The following NFAM1 variants were observed in gnomAD, a reference collection of about 807,000 sequenced individuals.
NFAM1 encodes the protein NFAT activating protein with ITAM motif 1.
Under a neutral mutation model 29.0 loss-of-function variants are expected in NFAM1, and 17 were observed. The ratio of observed to expected loss-of-function variants is 0.59; its 90% CI spans 0.40 to 0.88. NFAM1 has a LOEUF of 0.88. NFAM1 is among the 40% of genes least tolerant of loss of function. NFAM1 has a pLI of 0.00. For synonymous variants in NFAM1, 175 were observed against 147.2 expected (o/e 1.19, Z -1.36); for missense variants, 324 against 344.6 (o/e 0.94, Z 0.47).
intron 1 of NFAM1, among the ~76,000 whole-genome samples, chr22:42,418,630 T>C (rs1001019282): frequency 2.0e-5 from 3 of 151,650 alleles, no homozygotes; most frequent in South Asian, 2.1e-4. Context: ...GAGGCGGAGA[T>C]TGCAGTGAGC....
At chr22:42,427,004 G>A (rs945769638) in intron 1 of NFAM1, among the ~76,000 whole-genome samples, 44 of 152,182 alleles carry the variant, frequency 2.9e-4, no homozygotes, top group Middle Eastern at 6.8e-3. Flanking sequence ...GAGGTTCAGC[G>A]TACTCCAGAG....
intron 4 of NFAM1, among the ~76,000 whole-genome samples, chr22:42,396,822 G>A (rs540040889): frequency 1.6e-4 from 25 of 152,320 alleles, no homozygotes; most frequent in African/African-American, 5.3e-4. Flanking sequence ...TATCCTGGGC[G>A]TCCTCTGTGT....
intron 1 of NFAM1, among the ~76,000 whole-genome samples, chr22:42,421,127 C>A (rs1036020005): frequency 6.6e-6 from 1 of 152,140 alleles, no homozygotes; most frequent in African/African-American, 2.4e-5. Context: ...AAGGAATGCA[C>A]CGTGGAAAAC....
intron 4 of NFAM1, among the ~76,000 whole-genome samples, chr22:42,396,869 TG>T (rs1929542837): frequency 6.6e-6 from 1 of 152,106 alleles, no homozygotes; most frequent in Non-Finnish European, 1.5e-5. Context: ...GTCAATGTTG[TG>T]GGAACAGAAA....
At chr22:42,404,957 A>C (rs1485423489) in intron 3 of NFAM1, among the ~76,000 whole-genome samples, 1 of 151,642 alleles carries the variant, frequency 6.6e-6, no homozygotes, top group East Asian at 1.9e-4. Flanking sequence ...CTCAGAGAGG[A>C]TCCAAACCTG....
chr22:42,408,473 C>T (rs1456613553), intron 3 of NFAM1, among the ~76,000 whole-genome samples: 3 of 152,176 alleles, frequency 2.0e-5, no homozygotes, highest in South Asian at 2.1e-4. Flanking sequence ...CGAAGGTCCC[C>T]GGAGGGTGGA....
intron 1 of NFAM1, among the ~76,000 whole-genome samples, chr22:42,416,788 G>T (rs1428117928): frequency 6.6e-6 from 1 of 152,342 alleles, no homozygotes; most frequent in African/African-American, 2.4e-5. Context: ...GCTGCATCAT[G>T]CTTTGTCCCT....
At chr22:42,435,808 T>C (rs1406225741), upstream of NFAM1, among the ~76,000 whole-genome samples, 4 of 144,724 alleles carry the variant, frequency 2.8e-5, no homozygotes, top group Non-Finnish European at 6.0e-5. Flanking sequence ...GATTTCCTTT[T>C]CTTCTTCTTT....
At chr22:42,414,962 C>T (rs532635671) in intron 1 of NFAM1, among the ~76,000 whole-genome samples, 21 of 152,262 alleles carry the variant, frequency 1.4e-4, no homozygotes, top group Middle Eastern at 3.4e-3. Flanking sequence ...AACAGACGTC[C>T]GTTGTTCTAT....
At chr22:42,429,441 A>G (rs1246767976) in intron 1 of NFAM1, among the ~76,000 whole-genome samples, 1 of 151,502 alleles carries the variant, frequency 6.6e-6, no homozygotes, top group East Asian at 2.0e-4. Context: ...CACGGTGAAA[A>G]CCTGACTCTA....
At chr22:42,403,751 A>G (rs1929802679) in intron 3 of NFAM1, among the ~76,000 whole-genome samples, 1 of 152,222 alleles carries the variant, frequency 6.6e-6, no homozygotes, top group African/African-American at 2.4e-5. Flanking sequence ...ACAGGCCGAG[A>G]GGCACCCGGC....
Position 42,401,307 on chromosome 22 carries a change from A to G in NFAM1, c.565-3351T>C, listed in dbSNP as rs772916414. On this transcript the variant is annotated intron_variant, in intron 3 of 5. Coordinates refer to ENST00000329021, the MANE Select transcript of NFAM1 (RefSeq NM_145912.8). ...CACAGAAGAATGGACAGTTAGACAG[A>G]AAGGAGGAGATGAGCCACAGGCTGG... 1.1e-4 allele frequency among the ~76,000 whole-genome samples: 16 copies of G among 152,312 alleles called. No individual in the cohort carries two copies. The Middle Eastern group carries it at 0.01, about 97-fold the overall frequency.
In NFAM1 at chr22:42,380,483, A is replaced by G. The variant is rs1928905510; in HGVS notation, c.*4678T>C. The G allele has an allele frequency of 6.6e-6, 1 of 152,452 alleles. No individual in the cohort carries two copies. The highest frequency in any genetic ancestry group is 1.5e-5 in the Non-Finnish European group (1 of 68,050). The allele number at this position is 152,452 out of a possible 1,614,324, so 9.4% of individuals were successfully genotyped here. A position where few individuals can be genotyped will look rare whatever the true frequency, so the allele number is the denominator to read the frequency against. ...CCACATATGTCACCTCCAGACACAC[A>G]CAAAACACACGCCAACACCAAGTTC... On this transcript the variant is annotated 3_prime_UTR_variant, in exon 6 of 6. Transcript: ENST00000329021.
upstream of NFAM1, among the ~76,000 whole-genome samples, chr22:42,432,802 T>A (rs1245552315): frequency 6.6e-6 from 1 of 152,130 alleles, no homozygotes; most frequent in East Asian, 1.9e-4. Flanking sequence ...CCCTTAATAA[T>A]GTGTTTACCA....
At position 42,411,656 on chromosome 22, in the gene NFAM1, T is replaced by G. The variant is rs1601751199; in HGVS notation, c.202A>C (p.Thr68Pro). ...NTAISFSCRITYPYTPQFKVF... is the reference protein window; with the variant it reads ...NTAISFSCRIPYPYTPQFKVF... ...TTGAATTGGGGAGTGTATGGATAGG[T>G]GATCCTGCAGCTGAAGGAGATAGCT... The change falls in exon 2 of 6, where the codon ACC becomes CCC. Residue 68 changes from threonine to proline, a missense_variant. Physicochemically the swap from Thr to Pro is conservative, Grantham distance 38. Transcript: ENST00000329021. 6.2e-7 allele frequency: 1 copy of G among 1,613,944 alleles called. No individual in the cohort carries two copies. Among genetic ancestry groups the G allele is most frequent in the Non-Finnish European group, 8.5e-7 (1 of 1,179,892 alleles).
At position 42,388,733 on chromosome 22, in the gene NFAM1, C is replaced by G. The variant is rs1929234350; in HGVS notation, c.664-1655G>C. Among the ~76,000 whole-genome samples, 1 of 152,168 alleles carries G rather than the reference C, an allele frequency of 6.6e-6. No individual in the cohort carries two copies. Among genetic ancestry groups the G allele is most frequent in the South Asian group, 2.1e-4 (1 of 4,830 alleles). ...TAAACCATTTGGCACTTGGGAGACCCTCACTTCAAGGGCATCAGACATGGG... is the reference window on the plus strand; with the variant it reads ...TAAACCATTTGGCACTTGGGAGACCGTCACTTCAAGGGCATCAGACATGGG... On this transcript the variant is annotated intron_variant, in intron 4 of 5. Transcript: ENST00000329021. This position sits in a 1 kb window ranked among gnomAD's most constrained non-coding sequence, Gnocchi z 4.1.
chr22:42,426,754 C>T (rs2146556734), intron 1 of NFAM1, among the ~76,000 whole-genome samples: 1 of 152,272 alleles, frequency 6.6e-6, no homozygotes, highest in Non-Finnish European at 1.5e-5. Flanking sequence ...GGGCCAGTGG[C>T]TGGGCCCAGA....
intron 1 of NFAM1, among the ~76,000 whole-genome samples, chr22:42,429,500 C>A (rs1389995331): frequency 6.6e-6 from 1 of 152,184 alleles, no homozygotes; most frequent in African/African-American, 2.4e-5. Flanking sequence ...CCTGCAATCC[C>A]AGCTACTCAG....
rs1330336919 is a variant in NFAM1 at position 42,383,247 on chromosome 22, G to A, written c.*1914C>T. ...AGGAGGTGGGGGAGGCAGGCCCAGT[G>A]AGGTGGCCCTCTCCTGGTCTTGCTG... On this transcript the variant is annotated 3_prime_UTR_variant, in exon 6 of 6. Transcript: ENST00000329021. 1 of 153,290 alleles carries A rather than the reference G, an allele frequency of 6.5e-6. No homozygotes were observed. Among genetic ancestry groups the A allele is most frequent in the Non-Finnish European group, 1.5e-5 (1 of 68,896 alleles). The allele number at this position is 153,290 out of a possible 1,614,324, so 9.5% of individuals were successfully genotyped here.
Sources: gnomAD v4.1 joint callset for allele counts (sites outside exome capture counted in the v4.1 genomes callset) on GRCh38, gnomAD v4.1.1 for gene constraint, Gnocchi (gnomAD v3.1) non-coding constraint, MANE v1.5 for transcripts, NCBI Gene and HGNC (gene_info 2026-07-23, HGNC 2026-07-21) for gene names.